Variants in KIRREL3 observed in about 807,000 individuals in gnomAD.
KIRREL3 encodes kirre like nephrin family adhesion molecule 3.
KIRREL3 carries 36 observed loss-of-function variants against 89.7 expected under a neutral mutation model. That is an observed-to-expected ratio of 0.40 (90% CI 0.31 to 0.53). KIRREL3 has a LOEUF of 0.53. Ranked by LOEUF, KIRREL3 falls within the 20% of genes least tolerant of loss-of-function variation. KIRREL3 has a pLI of 0.49. For missense variants in KIRREL3, 864 were observed against 1,056.6 expected (o/e 0.82, Z 2.53); for synonymous variants, 445 against 441.4 (o/e 1.01, Z -0.10).
intron 1 of KIRREL3, among the ~76,000 whole-genome samples, chr11:126,821,351 A>ATATATATATGTGTG (rs756545626): frequency 9.5e-6 from 1 of 105,230 alleles, no homozygotes; most frequent in African/African-American, 4.4e-5. Context: ...ATATATATAT[A>ATATATATATGTGTG]TGTAACTTCC....
At position 126,896,109 on chromosome 11, in the gene KIRREL3, T is replaced by C. The variant is rs1011943040; in HGVS notation, c.55+104346A>G. On this transcript the variant is annotated intron_variant, in intron 1 of 16. Transcript: ENST00000525144. This position sits in a 1 kb window ranked among gnomAD's most constrained non-coding sequence, Gnocchi z 4.1. ...TCTTGCAAGTAGTTTTTTCTATTCT[T>C]GTTTATCCCTGAAGAGCACATGTAT... 1.3e-5 allele frequency among the ~76,000 whole-genome samples: 2 copies of C among 152,262 alleles called. No homozygotes were observed. The highest frequency in any genetic ancestry group is 4.8e-5 in the African/African-American group (2 of 41,472).
rs71048799 is a variant in KIRREL3 at position 126,692,544 on chromosome 11, CAAAAAAAAAAAAA to C, written c.56-129645_56-129633del. ...TGGGTGACAGACCAAGACTCTGTCT[CAAAAAAAAAAAAA>C]AAAAAAAAAAAAAAAGGAGGTGGAA... On this transcript the variant is annotated intron_variant, in intron 1 of 16. Coordinates refer to ENST00000525144, the MANE Select transcript of KIRREL3 (RefSeq NM_032531.4). Among the ~76,000 whole-genome samples the C allele has an allele frequency of 2.8e-3, 119 of 42,696 alleles. 4 individuals carry two copies. The highest frequency in any genetic ancestry group is 0.024 in the Admixed American group (50 of 2,088). The allele number at this position is 42,696 out of a possible 152,430, so 28.0% of individuals were successfully genotyped here.
chr11:126,681,791 G>A (rs1171079862), intron 1 of KIRREL3: 2 of 422,380 alleles, frequency 4.7e-6, no homozygotes, highest in Non-Finnish European at 4.8e-6. Flanking sequence ...AGGGTTCTAT[G>A]AGGCTGAAAA....
chr11:126,948,913 T>C lies in KIRREL3; in HGVS notation c.55+51542A>G, dbSNP rs1211739409. 5.9e-5 allele frequency among the ~76,000 whole-genome samples: 9 copies of C among 152,160 alleles called. No homozygotes were observed. The highest frequency in any genetic ancestry group is 8.8e-5 in the Non-Finnish European group (6 of 68,030). On this transcript the variant is annotated intron_variant, in intron 1 of 16. Coordinates refer to ENST00000525144, the MANE Select transcript of KIRREL3 (RefSeq NM_032531.4). The surrounding 1 kb of genome is among the most constrained non-coding windows in gnomAD (Gnocchi z 4.5). ...CATAATCCCATATACATATACCATA[T>C]AACATGCTGGGCTAGGAGAAGAATG...
intron 1 of KIRREL3, among the ~76,000 whole-genome samples, chr11:126,826,194 T>A (rs1482873975): frequency 1.3e-5 from 2 of 152,178 alleles, no homozygotes; most frequent in Non-Finnish European, 2.9e-5. Flanking sequence ...ACACCTGCTT[T>A]TCTTGCTAGA....
rs1330881493 is a variant in KIRREL3, at chr11:126,682,593, C to A, written c.56-119681G>T. ...CACCAGGGACAGGTTTCATGGATGG[C>A]AATTTTTCCATGGACCTGGGTAGGG... On this transcript the variant is annotated intron_variant, in intron 1 of 16. Coordinates refer to ENST00000525144, the MANE Select transcript of KIRREL3 (RefSeq NM_032531.4). The surrounding 1 kb of genome is among the most constrained non-coding windows in gnomAD (Gnocchi z 4.8). 6.6e-6 allele frequency among the ~76,000 whole-genome samples: 1 copy of A among 152,096 alleles called. No homozygotes were observed. The highest frequency in any genetic ancestry group is 1.5e-5 in the Non-Finnish European group (1 of 68,010).
intron 1 of KIRREL3, among the ~76,000 whole-genome samples, chr11:126,998,778 G>C (rs890911773): frequency 6.6e-6 from 1 of 152,118 alleles, no homozygotes. Flanking sequence ...TACACAAAAG[G>C]CTGATTAAAG....
chr11:126,990,428 C>CA lies in KIRREL3; in HGVS notation c.55+10026_55+10027insT, dbSNP rs145719207. Among the ~76,000 whole-genome samples the CA allele has an allele frequency of 0.049, 7,422 of 152,074 alleles. 309 individuals are homozygous for CA. The highest frequency in any genetic ancestry group is 0.12 in the East Asian group (619 of 5,130). On this transcript the variant is annotated intron_variant, in intron 1 of 16. Transcript: ENST00000525144. This position sits in a 1 kb window ranked among gnomAD's most constrained non-coding sequence, Gnocchi z 6.3. ...CCACCCAGAGGCGAGGAGGAGAGCC[C>CA]CCCATCCCTCCCGTCCCTTCCCAGC...
chr11:126,466,638 A>G (rs998581811), intron 5 of KIRREL3, among the ~76,000 whole-genome samples: 8 of 152,104 alleles, frequency 5.3e-5, no homozygotes, highest in Non-Finnish European at 1.2e-4. Flanking sequence ...ATCTCCCCTA[A>G]TTGTCACTTT....
rs555385510 is a variant in KIRREL3 at position 126,440,964 on chromosome 11, G to T, written c.1253-415C>A. Reference sequence around the variant, plus strand: ...TGTCTAGATGAAGGAAGACTCCCCCGCCTCAGCCAGCGGCACCCCTGCGAG... The same window carrying T: ...TGTCTAGATGAAGGAAGACTCCCCCTCCTCAGCCAGCGGCACCCCTGCGAG... On this transcript the variant is annotated intron_variant, in intron 10 of 16. Coordinates refer to ENST00000525144, the MANE Select transcript of KIRREL3 (RefSeq NM_032531.4). The T allele has an allele frequency of 1.7e-3, 343 of 207,010 alleles. 1 individual carries two copies. The highest frequency in any genetic ancestry group is 7.4e-3 in the African/African-American group (317 of 42,894). 12.8% of individuals were successfully genotyped at this position (207,010 alleles called of 1,614,324 possible).
rs376119186 is a variant in KIRREL3, at chr11:126,745,215, T to C, written c.56-182303A>G. Among the ~76,000 whole-genome samples, 152 of 152,306 alleles carry C rather than the reference T, an allele frequency of 1.0e-3. 1 individual carries two copies. In the South Asian group the frequency reaches 0.03, roughly 30 times the overall value. ...TTGAGCTGTGGTGATATCTCTGTGA[T>C]ACAGGATAGCCTCTTTTGCCTAAAG... On this transcript the variant is annotated intron_variant, in intron 1 of 16. Transcript: ENST00000525144.
Position 126,572,934 on chromosome 11 carries a change from T to C in KIRREL3, c.56-10022A>G, listed in dbSNP as rs145214327. Among the ~76,000 whole-genome samples, 387 of 152,246 alleles carry C rather than the reference T, an allele frequency of 2.5e-3. 4 individuals are homozygous for C. The highest frequency in any genetic ancestry group is 9.0e-3 in the African/African-American group (374 of 41,534). ...AGGCAGTCATGTCCAGCCCCTGCCC[T>C]CAAGCCCCTCACATGCTGCCGAATG... is the stretch of plus-strand genomic sequence containing the variant. On this transcript the variant is annotated intron_variant, in intron 1 of 16. Coordinates refer to ENST00000525144, the MANE Select transcript of KIRREL3 (RefSeq NM_032531.4).
At chr11:126,467,882 G>T (rs1425039519) in intron 5 of KIRREL3, among the ~76,000 whole-genome samples, 1 of 152,200 alleles carries the variant, frequency 6.6e-6, no homozygotes, top group Non-Finnish European at 1.5e-5. Context: ...GGGCAGATAG[G>T]TGCAGGGTGA....
intron 1 of KIRREL3, among the ~76,000 whole-genome samples, chr11:126,799,309 T>A (rs1054032846): frequency 7.5e-6 from 1 of 133,824 alleles, no homozygotes; most frequent in Non-Finnish European, 1.6e-5. Flanking sequence ...CGTGTGTGCA[T>A]GTGTGTACCT....
At chr11:126,820,985 C>A (rs4294575) in intron 1 of KIRREL3, among the ~76,000 whole-genome samples, 131,098 of 151,850 alleles carry the variant, frequency 0.86, 56,937 homozygotes, top group East Asian at 1. Flanking sequence ...TCTGAGATAC[C>A]ACGGGCACAC....
intron 1 of KIRREL3, among the ~76,000 whole-genome samples, chr11:126,947,186 T>G (rs565092773): frequency 3.3e-5 from 5 of 152,328 alleles, no homozygotes; most frequent in African/African-American, 1.2e-4. Context: ...TCCCCTTCAC[T>G]ATGAAATAGT....
intron 9 of KIRREL3, 108 bp from the exon 10 acceptor site, chr11:126,445,213 C>G: frequency 1.4e-6 from 2 of 1,395,858 alleles, no homozygotes; most frequent in Non-Finnish European, 2.0e-6. Flanking sequence ...AGGCAGTCTC[C>G]GGCATCTCAG....
intron 1 of KIRREL3, among the ~76,000 whole-genome samples, chr11:126,893,668 A>G (rs1592297227): frequency 1.3e-5 from 2 of 152,136 alleles, no homozygotes; most frequent in South Asian, 4.2e-4. Context: ...CTCCGCATCC[A>G]CCCTGTCCAA....
At position 126,890,041 on chromosome 11, in the gene KIRREL3, C is replaced by T. The variant is rs1009073087; in HGVS notation, c.55+110414G>A. Among the ~76,000 whole-genome samples, 2 of 152,204 alleles carry T rather than the reference C, an allele frequency of 1.3e-5. No homozygotes were observed. The highest frequency in any genetic ancestry group is 4.8e-5 in the African/African-American group (2 of 41,442). On this transcript the variant is annotated intron_variant, in intron 1 of 16. Transcript: ENST00000525144. The surrounding 1 kb of genome is among the most constrained non-coding windows in gnomAD (Gnocchi z 5.1). The stretch of plus-strand genomic sequence containing the variant: ...AATAAAATTAGTTTAAATAAACCCC[C>T]AGCCACAATCACAAATAACTATCTG...
Sources: allele counts gnomAD v4.1 joint callset (sites outside exome capture counted in the v4.1 genomes callset), GRCh38; gene constraint gnomAD v4.1.1; non-coding constraint Gnocchi (gnomAD v3.1); transcripts MANE v1.5; gene names NCBI Gene and HGNC (gene_info 2026-07-23, HGNC 2026-07-21).